The following ARHGAP6 variants were observed in gnomAD, a reference collection of about 807,000 sequenced individuals.
The protein encoded by ARHGAP6 is Rho GTPase activating protein 6.
Under a neutral mutation model 55.7 loss-of-function variants are expected in ARHGAP6, and 16 were observed. The ratio of observed to expected loss-of-function variants is 0.29; its 90% CI spans 0.19 to 0.44. ARHGAP6 has a LOEUF of 0.44. Among genes scored for constraint, ARHGAP6 ranks in the 20% least tolerant of loss-of-function variants. The pLI is 1.00. For missense variants in ARHGAP6, 698 were observed against 808.9 expected (o/e 0.86, Z 1.66); for synonymous variants, 382 against 360.9 (o/e 1.06, Z -0.66).
intron 1 of ARHGAP6, among the ~76,000 whole-genome samples, chrX:11,488,706 G>A (rs1434546373): frequency 9.0e-6 from 1 of 110,861 alleles, no homozygotes; most frequent in African/African-American, 3.3e-5. Flanking sequence ...AAAGGAGTGT[G>A]AACCCTATTG....
At chrX:11,376,550 T>C (rs113150191) in intron 1 of ARHGAP6, among the ~76,000 whole-genome samples, 84 of 113,241 alleles carry the variant, frequency 7.4e-4, no homozygotes, top group African/African-American at 2.6e-3. Context: ...TGCTGACACC[T>C]TGATTTTAGC....
intron 2 of ARHGAP6, among the ~76,000 whole-genome samples, chrX:11,243,991 C>T (rs887585564): frequency 1.1e-4 from 12 of 111,747 alleles, no homozygotes; most frequent in African/African-American, 3.9e-4. Flanking sequence ...TCTAATGATG[C>T]ATTTCTCAGT....
intron 2 of ARHGAP6, among the ~76,000 whole-genome samples, chrX:11,242,488 C>A (rs2047297019): frequency 9.0e-6 from 1 of 111,520 alleles, no homozygotes; most frequent in Non-Finnish European, 1.9e-5. Flanking sequence ...CTCAAAGGGG[C>A]AGCTCTGCTG....
At chrX:11,459,964 A>G (rs2050228571) in intron 1 of ARHGAP6, among the ~76,000 whole-genome samples, 1 of 111,977 alleles carries the variant, frequency 8.9e-6, no homozygotes, top group African/African-American at 3.2e-5. Flanking sequence ...TGCTTTTGAT[A>G]GGCAGAATTA....
chrX:11,594,398 A>G (rs1354152280), intron 1 of ARHGAP6, among the ~76,000 whole-genome samples: 2 of 112,304 alleles, frequency 1.8e-5, no homozygotes, highest in East Asian at 5.5e-4. Flanking sequence ...TTAAAATGCT[A>G]TTTAATTTAG....
intron 2 of ARHGAP6, among the ~76,000 whole-genome samples, chrX:11,230,837 C>T (rs2047122201): frequency 9.0e-6 from 1 of 110,766 alleles, no homozygotes; most frequent in Non-Finnish European, 1.9e-5. Context: ...CTAGAGATTT[C>T]TCATTTACCC....
At chrX:11,317,317 G>T (rs1015002139) in intron 1 of ARHGAP6, among the ~76,000 whole-genome samples, 3 of 112,285 alleles carry the variant, frequency 2.7e-5, no homozygotes, top group Non-Finnish European at 5.6e-5. Flanking sequence ...CTCACTTGAT[G>T]CCAGTAGCAC....
chrX:11,551,182 C>T (rs193061069), intron 1 of ARHGAP6, among the ~76,000 whole-genome samples: 142 of 111,707 alleles, frequency 1.3e-3, no homozygotes, highest in African/African-American at 4.5e-3. Flanking sequence ...AGTGTCTTCA[C>T]TTTGCCATAA....
chrX:11,384,806 T>C (rs1472311590), intron 1 of ARHGAP6, among the ~76,000 whole-genome samples: 2 of 111,274 alleles, frequency 1.8e-5, no homozygotes, highest in Non-Finnish European at 3.8e-5. Context: ...ACCATTCTAG[T>C]GGGGGTGGAG....
At chrX:11,561,981 G>A (rs2051389188) in intron 1 of ARHGAP6, among the ~76,000 whole-genome samples, 1 of 112,147 alleles carries the variant, frequency 8.9e-6, no homozygotes, top group South Asian at 3.7e-4. Flanking sequence ...GCTGGGGCAG[G>A]TGATACAGCA....
chrX:11,236,487 G>T (rs188373126), intron 2 of ARHGAP6, among the ~76,000 whole-genome samples: 2 of 111,595 alleles, frequency 1.8e-5, no homozygotes, highest in East Asian at 5.6e-4. Flanking sequence ...GAAATGTGGT[G>T]CCTATTTCAG....
chrX:11,407,057 C>A (rs2049619113), intron 1 of ARHGAP6, among the ~76,000 whole-genome samples: 1 of 111,326 alleles, frequency 9.0e-6, no homozygotes, highest in South Asian at 3.8e-4. Flanking sequence ...TCAGTATATT[C>A]ACAGAGTTGT....
chrX:11,361,348 C>T (rs1382036415), intron 1 of ARHGAP6, among the ~76,000 whole-genome samples: 12 of 109,966 alleles, frequency 1.1e-4, no homozygotes, highest in South Asian at 7.8e-4. Flanking sequence ...GAAATAACGC[C>T]GCATATCTAC....
At chrX:11,363,175 G>C (rs1244971241) in intron 1 of ARHGAP6, among the ~76,000 whole-genome samples, 9 of 112,146 alleles carry the variant, frequency 8.0e-5, no homozygotes, top group African/African-American at 2.9e-4. Context: ...TCTCCTAATG[G>C]AGCCACAGTA....
chrX:11,362,680 T>C (rs1362869599), intron 1 of ARHGAP6, among the ~76,000 whole-genome samples: 1 of 109,974 alleles, frequency 9.1e-6, no homozygotes, highest in Non-Finnish European at 1.9e-5. Context: ...TAATAAACAC[T>C]GTAATTCTAT....
Position 11,373,088 on chromosome X carries a change from CACACAA to C in ARHGAP6, c.589-118387_589-118382del, listed in dbSNP as rs1393507867. Among the ~76,000 whole-genome samples the C allele has an allele frequency of 1.7e-4, 11 of 63,768 alleles. No individual in the cohort carries two copies. The South Asian group carries it at 5.5e-3, about 32-fold the overall frequency. 55.4% of individuals were successfully genotyped at this position (63,768 alleles called of 115,157 possible). On this transcript the variant is annotated intron_variant, in intron 1 of 12. Coordinates refer to ENST00000337414, the MANE Select transcript of ARHGAP6 (RefSeq NM_013427.3). ...ATATTTTCTATTTTTTTCACACACA[CACACAA>C]ACACACACACACACACACACACACA... is the stretch of plus-strand genomic sequence containing the variant.
At chrX:11,201,056 G>A (rs1470740539) in intron 2 of ARHGAP6, among the ~76,000 whole-genome samples, 4 of 111,318 alleles carry the variant, frequency 3.6e-5, no homozygotes, top group Admixed American at 1.9e-4. Context: ...AAAACCTATC[G>A]AGCTGTATTT....
chrX:11,540,829 G>T (rs1245556961), intron 1 of ARHGAP6, among the ~76,000 whole-genome samples: 2 of 112,412 alleles, frequency 1.8e-5, no homozygotes, highest in East Asian at 2.8e-4. Flanking sequence ...GATTTCTCTG[G>T]GCTGTAATTT....
At chrX:11,653,729 T>C (rs916823825) in intron 1 of ARHGAP6, among the ~76,000 whole-genome samples, 1 of 111,927 alleles carries the variant, frequency 8.9e-6, no homozygotes, top group Admixed American at 9.5e-5. Flanking sequence ...AAAAGGGGCT[T>C]AATAATTTGT....
Sources: gnomAD v4.1 joint callset for allele counts (sites outside exome capture counted in the v4.1 genomes callset) on GRCh38, gnomAD v4.1.1 for gene constraint, MANE v1.5 for transcripts, NCBI Gene and HGNC (gene_info 2026-07-23, HGNC 2026-07-21) for gene names.